The following AKAP6 variants were observed in gnomAD, a reference collection of about 807,000 sequenced individuals.
AKAP6 encodes A-kinase anchor protein 6.
Under a neutral mutation model 188.5 loss-of-function variants are expected in AKAP6, and 58 were observed. That is an observed-to-expected ratio of 0.31 (90% CI 0.25 to 0.38). The LOEUF is 0.38. AKAP6 is among the 10% of genes least tolerant of loss of function. The probability of loss-of-function intolerance (pLI) is 1.00; values close to 1 mark genes in which losing one functional copy is unlikely to be tolerated. For missense variants in AKAP6, 2,710 were observed against 2,740.0 expected (o/e 0.99, Z 0.24); for synonymous variants, 989 against 998.6 (o/e 0.99, Z 0.18).
chr14:32,775,433 CTTT>C (rs112257013), intron 12 of AKAP6, among the ~76,000 whole-genome samples: 1 of 120,592 alleles, frequency 8.3e-6, no homozygotes, highest in Non-Finnish European at 1.9e-5. Flanking sequence ...CATTTTTATC[CTTT>C]TTTTTTTTTT....
intron 9 of AKAP6, among the ~76,000 whole-genome samples, chr14:32,714,011 CT>C (rs764150226): frequency 5.5e-4 from 84 of 152,008 alleles, no homozygotes; most frequent in Non-Finnish European, 8.5e-4. Context: ...GTGACTCTTT[CT>C]TTCACTTGAG....
intron 4 of AKAP6, among the ~76,000 whole-genome samples, chr14:32,570,125 T>C (rs983518157): frequency 6.7e-5 from 1 of 14,940 alleles, no homozygotes. Context: ...GTGTGGGAAC[T>C]TTTTTTTTTT....
At chr14:32,489,037 T>C (rs1938744202) in intron 2 of AKAP6, among the ~76,000 whole-genome samples, 1 of 152,252 alleles carries the variant, frequency 6.6e-6, no homozygotes, top group Non-Finnish European at 1.5e-5. Context: ...GCTTGTCTAG[T>C]ATCAAATAAA....
At chr14:32,696,816 A>C (rs1474829551) in intron 9 of AKAP6, among the ~76,000 whole-genome samples, 1 of 151,984 alleles carries the variant, frequency 6.6e-6, no homozygotes, top group Non-Finnish European at 1.5e-5. Context: ...AAATGGTTGC[A>C]GGATTCACAG....
chr14:32,418,482 C>T (rs1889731081), intron 1 of AKAP6, among the ~76,000 whole-genome samples: 1 of 152,168 alleles, frequency 6.6e-6, no homozygotes, highest in Non-Finnish European at 1.5e-5. Context: ...TTTGCTTTAT[C>T]TTAGGCCTTA....
chr14:32,693,732 C>A (rs983691239), intron 8 of AKAP6: 2 of 152,144 alleles, frequency 1.3e-5, no homozygotes, highest in Admixed American at 1.3e-4. Flanking sequence ...CTTTCTCTTC[C>A]TTTCCCCTTT....
intron 12 of AKAP6, among the ~76,000 whole-genome samples, chr14:32,790,798 G>T (rs1247550824): frequency 6.6e-6 from 1 of 152,004 alleles, no homozygotes; most frequent in Non-Finnish European, 1.5e-5. Flanking sequence ...ACCCCGATAT[G>T]TGATGTTCTG....
chr14:32,566,538 G>A (rs150179856), intron 4 of AKAP6, among the ~76,000 whole-genome samples: 199 of 152,194 alleles, frequency 1.3e-3, no homozygotes, highest in African/African-American at 4.6e-3. Context: ...TGGGTTATGT[G>A]TATGTGAGTC....
intron 8 of AKAP6, among the ~76,000 whole-genome samples, chr14:32,690,041 A>G (rs1296633260): frequency 6.6e-6 from 1 of 150,644 alleles, no homozygotes. Context: ...ATTAATATTA[A>G]GCATACAAAA....
chr14:32,577,120 G>C lies in AKAP6; in HGVS notation c.2347G>C (p.Gly783Arg). Residue 783 changes from glycine (G) to arginine (R), a missense_variant and splice_region_variant, in exon 5 of 14, where the codon GGG (glycine) becomes CGG (arginine). By Grantham distance (125) the Gly-to-Arg change is moderately radical. Around this residue, in one of 2 missense-constraint regions of AKAP6, gnomAD observed 2,473 missense variants for 2,426.1 expected, o/e 1.02. Coordinates refer to ENST00000280979, the MANE Select transcript of AKAP6 (RefSeq NM_004274.5). The part of the protein sequence containing the change: ...NYEAIWEKIE[G>R]FVNKLDEFIQ... ...TTCCCCTTTTCTTTCCTTTCACAAG[G>C]GGTTTGTAAACAAACTGGATGAATT... 1 of 1,604,290 alleles carries C rather than the reference G, an allele frequency of 6.2e-7. No homozygotes were observed. Among genetic ancestry groups the C allele is most frequent in the East Asian group, 2.2e-5 (1 of 44,630 alleles).
chr14:32,385,721 G>A (rs1263659179), intron 1 of AKAP6, among the ~76,000 whole-genome samples: 1 of 151,286 alleles, frequency 6.6e-6, no homozygotes, highest in African/African-American at 2.4e-5. Context: ...CATCCAGGTT[G>A]CTACGAATGC....
chr14:32,786,311 T>TG lies in AKAP6; in HGVS notation c.3588+12418_3588+12419insG, dbSNP rs1488628423. ...CTAAACCTTTATCTTTTTTTTTTTT[T>TG]TTTTTTTTTTTTTTGAGACGGAATC... On this transcript the variant is annotated intron_variant, in intron 12 of 13. Transcript: ENST00000280979. Among the ~76,000 whole-genome samples, 23 of 96,564 alleles carry TG rather than the reference T, an allele frequency of 2.4e-4. 1 individual carries two copies. Among genetic ancestry groups the TG allele is most frequent in the African/African-American group, 5.6e-4 (15 of 26,870 alleles). 63.3% of individuals were successfully genotyped at this position (96,564 alleles called of 152,430 possible). A position where few individuals can be genotyped will look rare whatever the true frequency, so the allele number is the denominator to read the frequency against.
At chr14:32,581,788 T>C (rs1235397629) in intron 5 of AKAP6, among the ~76,000 whole-genome samples, 1 of 152,190 alleles carries the variant, frequency 6.6e-6, no homozygotes, top group East Asian at 1.9e-4. Flanking sequence ...TGGTTTAAAG[T>C]CTGTTTTATC....
intron 8 of AKAP6, among the ~76,000 whole-genome samples, chr14:32,680,208 TG>T (rs1691175309): frequency 6.6e-6 from 1 of 152,212 alleles, no homozygotes; most frequent in South Asian, 2.1e-4. Context: ...TGCTGAAGGC[TG>T]TGCATTGTGC....
At chr14:32,646,395 A>G (rs1386474108) in intron 7 of AKAP6, among the ~76,000 whole-genome samples, 1 of 152,140 alleles carries the variant, frequency 6.6e-6, no homozygotes, top group Non-Finnish European at 1.5e-5. Flanking sequence ...ACATAAATAG[A>G]GATTCTGAGT....
intron 1 of AKAP6, among the ~76,000 whole-genome samples, chr14:32,353,129 C>A (rs1386177348): frequency 6.6e-6 from 1 of 152,138 alleles, no homozygotes; most frequent in Non-Finnish European, 1.5e-5. Flanking sequence ...GTGGCTGGCA[C>A]TTACCTATAG....
At chr14:32,441,535 G>A (rs1388818325) in intron 2 of AKAP6, among the ~76,000 whole-genome samples, 2 of 152,182 alleles carry the variant, frequency 1.3e-5, no homozygotes, top group East Asian at 1.9e-4. Flanking sequence ...AATGATTGAT[G>A]TATTTTCATC....
chr14:32,651,521 G>C (rs752669971), intron 7 of AKAP6, among the ~76,000 whole-genome samples: 3 of 152,136 alleles, frequency 2.0e-5, no homozygotes, highest in Non-Finnish European at 2.9e-5. Flanking sequence ...GAAGTCCAAG[G>C]TCAAGGCACT....
intron 3 of AKAP6, 116 bp downstream of exon 3, chr14:32,535,921 G>A: frequency 7.0e-7 from 1 of 1,438,594 alleles, no homozygotes; most frequent in Non-Finnish European, 9.4e-7. Context: ...AGGCCCTGAT[G>A]GGCTTTGAAT....
Sources: allele counts gnomAD v4.1 joint callset (sites outside exome capture counted in the v4.1 genomes callset), GRCh38; gene constraint gnomAD v4.1.1; regional missense constraint gnomAD v4.1.1; transcripts MANE v1.5; gene names NCBI Gene and HGNC (gene_info 2026-07-23, HGNC 2026-07-21).